The following DNAH2 variants were observed in gnomAD, a reference collection of about 807,000 sequenced individuals.
DNAH2 encodes the protein dynein axonemal heavy chain 2.
DNAH2 carries 323 observed loss-of-function variants against 523.5 expected under a neutral mutation model. The ratio of observed to expected loss-of-function variants is 0.62; its 90% CI spans 0.56 to 0.68. The LOEUF is 0.68. Among genes scored for constraint, DNAH2 ranks in the 30% least tolerant of loss-of-function variants. The pLI is 0.00. For synonymous variants in DNAH2, 2,093 were observed against 2,177.4 expected (o/e 0.96, Z 1.08); for missense variants, 4,907 against 5,701.5 (o/e 0.86, Z 4.49).
chr17:7,791,448 G>T (rs1207802917), intron 44 of DNAH2, among the ~76,000 whole-genome samples: 1 of 152,110 alleles, frequency 6.6e-6, no homozygotes, highest in Non-Finnish European at 1.5e-5. Flanking sequence ...ATATGTTTTT[G>T]AGTTCTGTAT....
chr17:7,757,104 C>G lies in DNAH2; in HGVS notation c.1918C>G (p.Leu640Val), dbSNP rs762035012. The change falls in exon 13 of 86, where the codon CTC becomes GTC. Residue 640 changes from leucine (L) to valine (V), a missense_variant. Physicochemically the swap from Leu to Val is conservative, Grantham distance 32. Transcript: ENST00000572933. Reference sequence around the variant, plus strand: ...TCTCTCTCAAAGGTCCCTTCTGATTCTCTTTGCGGAAATTGACTACTGGGA... The same window carrying G: ...TCTCTCTCAAAGGTCCCTTCTGATTGTCTTTGCGGAAATTGACTACTGGGA... ...DVNFDKSLLILFAEIDYWERL... is the reference protein window; with the variant it reads ...DVNFDKSLLIVFAEIDYWERL... 6.2e-7 allele frequency: 1 copy of G among 1,614,148 alleles called. No homozygotes were observed. The highest frequency in any genetic ancestry group is 1.3e-5 in the African/African-American group (1 of 75,034).
In DNAH2 at chr17:7,818,423, C is replaced by T; in HGVS notation, c.10499C>T (p.Ala3500Val). 1.9e-6 allele frequency: 3 copies of T among 1,614,230 alleles called. No homozygotes were observed. Among genetic ancestry groups the T allele is most frequent in the Non-Finnish European group, 2.5e-6 (3 of 1,180,038 alleles). The change falls in exon 69 of 86, where the codon GCC (alanine) becomes GTC (valine). Residue 3500 changes from alanine (A) to valine (V), a missense_variant. Physicochemically the swap from Ala to Val is moderately conservative, Grantham distance 64. This residue lies in a region of DNAH2 where 1,851 missense variants were observed against 2,139.4 expected (regional missense o/e 0.87). Coordinates refer to ENST00000572933, the MANE Select transcript of DNAH2 (RefSeq NM_020877.5). ...SNPHYSPETS[A>V]KTTIVNFAVK... Reference sequence around the variant, plus strand: ...CCCCACTACAGCCCAGAGACCTCAGCCAAGACCACCATCGTCAACTTTGCT... The same window carrying T: ...CCCCACTACAGCCCAGAGACCTCAGTCAAGACCACCATCGTCAACTTTGCT...
At position 7,805,346 on chromosome 17, in the gene DNAH2, T is replaced by C. The variant is rs766424367; in HGVS notation, c.9395T>C (p.Ile3132Thr). Residue 3132 changes from isoleucine (I) to threonine (T), a missense_variant, in exon 61 of 86, where the codon ATT becomes ACT. Coordinates refer to ENST00000572933, the MANE Select transcript of DNAH2 (RefSeq NM_020877.5). ...GAGATAGTGATGCAGGCAGTTATGA[T>C]TCTTCGAGGCAACGAGCCCACATGG... Reference protein sequence around the residue: ...QVEIVMQAVMILRGNEPTWAE... With the variant: ...QVEIVMQAVMTLRGNEPTWAE... 8.1e-6 allele frequency: 13 copies of C among 1,614,118 alleles called. No individual in the cohort carries two copies. Among genetic ancestry groups the C allele is most frequent in the East Asian group, 4.5e-5 (2 of 44,900 alleles).
At chr17:7,765,677 TG>T (rs1597585643) in intron 21 of DNAH2, 112 bp downstream of exon 21, 6 of 1,272,294 alleles carry the variant, frequency 4.7e-6, no homozygotes, top group Non-Finnish European at 6.5e-6. Flanking sequence ...GGGTCGGTGC[TG>T]GGGTGGGGGA....
chr17:7,776,731 G>C (rs375423430), intron 31 of DNAH2, 48 bp from the exon 32 acceptor site: 1 of 1,486,298 alleles, frequency 6.7e-7, no homozygotes, highest in African/African-American at 1.4e-5. Flanking sequence ...TGGGCTGTGC[G>C]TGTAGCCAAG....
rs547482660 is a variant in DNAH2, at chr17:7,779,144, C to T, written c.5542-99C>T. ...CCCTGCCCCCTAGTCTGGAGGCCGC[C>T]TCGCCTATTGAAACATTTGAAGGAA... On this transcript the variant is annotated intron_variant, in intron 35 of 85. Transcript: ENST00000572933. 2.5e-5 allele frequency: 36 copies of T among 1,427,006 alleles called. No individual in the cohort carries two copies. The East Asian group carries it at 7.5e-4, about 30-fold the overall frequency. 88.4% of individuals were successfully genotyped at this position (1,427,006 alleles called of 1,614,324 possible). A position where few individuals can be genotyped will look rare whatever the true frequency, so the allele number is the denominator to read the frequency against.
At chr17:7,819,555 T>G in intron 72 of DNAH2, 147 bp downstream of exon 72, 3 of 795,686 alleles carry the variant, frequency 3.8e-6, no homozygotes, top group East Asian at 2.7e-5. Flanking sequence ...CTCACTCTCA[T>G]GGCTTAACCA....
At chr17:7,763,799 A>C (rs1205075514) in intron 18 of DNAH2, 32 bp from the exon 19 acceptor site, 3 of 1,612,640 alleles carry the variant, frequency 1.9e-6, no homozygotes, top group Non-Finnish European at 2.5e-6. Flanking sequence ...CAAAGAAAAC[A>C]ACATCCTAGC....
At chr17:7,725,510 G>A (rs2074776797) in intron 3 of DNAH2, among the ~76,000 whole-genome samples, 1 of 150,366 alleles carries the variant, frequency 6.7e-6, no homozygotes, top group South Asian at 2.1e-4. Flanking sequence ...TCAGCTCACT[G>A]CAACCTCCGC....
chr17:7,739,315 A>G (rs1414990343), intron 8 of DNAH2, among the ~76,000 whole-genome samples: 1 of 152,168 alleles, frequency 6.6e-6, no homozygotes, highest in Non-Finnish European at 1.5e-5. Flanking sequence ...CTGAGGCAGG[A>G]GAATCTCTTG....
intron 13 of DNAH2, among the ~76,000 whole-genome samples, chr17:7,757,572 AT>A (rs1567647892): frequency 6.6e-6 from 1 of 152,172 alleles, no homozygotes; most frequent in Admixed American, 6.5e-5. Context: ...CATCAGACTC[AT>A]TGAACTAAGG....
rs2077410741 is a variant in DNAH2, at chr17:7,807,941, G to C, written c.9729+355G>C. 6.6e-6 allele frequency among the ~76,000 whole-genome samples: 1 copy of C among 152,196 alleles called. No homozygotes were observed. The highest frequency in any genetic ancestry group is 2.1e-4 in the South Asian group (1 of 4,830). The stretch of plus-strand genomic sequence containing the variant: ...TCTTTGCCAGAGGGATGGGTCAAGA[G>C]TGTCTGTGTCGCTTCTGTGGACCAA... On this transcript the variant is annotated intron_variant, in intron 63 of 85. Transcript: ENST00000572933. This position sits in a 1 kb window ranked among gnomAD's most constrained non-coding sequence, Gnocchi z 5.6.
rs137948010 is a variant in DNAH2 at position 7,766,442 on chromosome 17, C to T, written c.3636C>T (p.Ile1212=). The change falls in exon 22 of 86, where the codon ATC becomes ATT. Residue 1212 remains isoleucine, a synonymous_variant. Transcript: ENST00000572933. ...SLRANLGIFK[I]EQPPSKDLQN... is the part of the protein sequence containing the mutation. ...GAGCCAACCTGGGCATCTTCAAGAT[C>T]GAGCAGCCACCCTCCAAGGACCTTC... 2.5e-5 allele frequency: 41 copies of T among 1,613,782 alleles called. No homozygotes were observed. Among genetic ancestry groups the T allele is most frequent in the African/African-American group, 2.4e-4 (18 of 74,868 alleles).
chr17:7,759,077 A>G lies in DNAH2; in HGVS notation c.2401A>G (p.Thr801Ala). Reference sequence around the variant, plus strand: ...GATGAACCTGCACCAGGATGTGGTGACCATCATGACCAACTCCTATGAGGT... The same window carrying G: ...GATGAACCTGCACCAGGATGTGGTGGCCATCATGACCAACTCCTATGAGGT... Reference protein sequence around the residue: ...KLMNLHQDVVTIMTNSYEVFK... With the variant: ...KLMNLHQDVVAIMTNSYEVFK... Residue 801 changes from threonine (T) to alanine (A), a missense_variant, in exon 15 of 86, where the codon ACC (threonine) becomes GCC (alanine). Physicochemically the swap from Thr to Ala is moderately conservative, Grantham distance 58. Transcript: ENST00000572933. 1 of 1,614,186 alleles carries G rather than the reference A, an allele frequency of 6.2e-7. No homozygotes were observed. The highest frequency in any genetic ancestry group is 1.1e-5 in the South Asian group (1 of 91,078).
chr17:7,737,769 C>T (rs747199743), intron 8 of DNAH2, among the ~76,000 whole-genome samples: 46 of 152,208 alleles, frequency 3.0e-4, no homozygotes, highest in Non-Finnish European at 5.9e-4. Flanking sequence ...AGTAAGGGGC[C>T]ACCTAGGACA....
At chr17:7,758,831 T>C (rs2075919876) in intron 14 of DNAH2, 54 bp from the exon 15 acceptor site, 1 of 1,604,596 alleles carries the variant, frequency 6.2e-7, no homozygotes, top group Non-Finnish European at 8.5e-7. Flanking sequence ...TAGAATGAGG[T>C]CCAGATGGTC....
At chr17:7,764,946 G>T (rs1053603054) in intron 20 of DNAH2, among the ~76,000 whole-genome samples, 1 of 147,402 alleles carries the variant, frequency 6.8e-6, no homozygotes, top group African/African-American at 2.5e-5. Flanking sequence ...GGGCTCAAGC[G>T]ATCCTCCCAC....
intron 12 of DNAH2, among the ~76,000 whole-genome samples, chr17:7,751,329 A>G (rs780615328): frequency 1.3e-5 from 2 of 152,122 alleles, no homozygotes; most frequent in South Asian, 2.1e-4. Context: ...CTGACCTGAA[A>G]TGATCCACCC....
intron 45 of DNAH2, 34 bp downstream of exon 45, chr17:7,792,103 G>GT: frequency 6.2e-7 from 1 of 1,610,920 alleles, no homozygotes; most frequent in Non-Finnish European, 8.5e-7. Context: ...TATTTGCCCT[G>GT]TTTTTCCAGA....
Sources: gnomAD v4.1 joint callset for allele counts (sites outside exome capture counted in the v4.1 genomes callset) on GRCh38, gnomAD v4.1.1 for gene constraint, gnomAD v4.1.1 regional missense constraint, Gnocchi (gnomAD v3.1) non-coding constraint, MANE v1.5 for transcripts, NCBI Gene and HGNC (gene_info 2026-07-23, HGNC 2026-07-21) for gene names.